Variants in POT1 observed in about 807,000 individuals in gnomAD.
POT1 encodes protection of telomeres 1.
POT1 carries 47 observed loss-of-function variants against 78.5 expected under a neutral mutation model. The ratio of observed to expected loss-of-function variants is 0.60; its 90% CI spans 0.47 to 0.76. The LOEUF (loss-of-function observed/expected upper bound fraction) is 0.76. POT1 is among the 30% of genes least tolerant of loss of function. The pLI is 0.00. For synonymous variants in POT1, 259 were observed against 260.7 expected, an observed-to-expected ratio of 0.99 and a Z score of 0.06; for missense variants, 646 against 749.9, an observed-to-expected ratio of 0.86 and a Z score of 1.62.
intron 5 of POT1, among the ~76,000 whole-genome samples, chr7:124,893,191 C>A (rs1796413117): frequency 6.6e-6 from 1 of 151,254 alleles, no homozygotes; most frequent in South Asian, 2.1e-4. Context: ...CTAAAAAATG[C>A]AATTTAAGAG....
At chr7:124,828,926 A>G (rs769472373) in intron 16 of POT1, 1 of 582,894 alleles carries the variant, frequency 1.7e-6, no homozygotes, top group Non-Finnish European at 3.3e-6. Flanking sequence ...TCTATTCTGA[A>G]TTGGCCAAAC....
intron 14 of POT1, among the ~76,000 whole-genome samples, chr7:124,838,313 G>C (rs1164439781): frequency 2.0e-5 from 3 of 151,974 alleles, no homozygotes; most frequent in Admixed American, 2.0e-4. Context: ...AGCAACGGTA[G>C]AGGATACAAG....
intron 6 of POT1, among the ~76,000 whole-genome samples, chr7:124,891,191 C>T (rs566562726): frequency 6.6e-5 from 10 of 151,744 alleles, no homozygotes; most frequent in African/African-American, 2.2e-4. Context: ...ATGGATTAAG[C>T]GCTCTGATGT....
chr7:124,825,402 T>A, intron 17 of POT1, 45 bp from the exon 18 acceptor site: 4 of 1,187,622 alleles, frequency 3.4e-6, no homozygotes, highest in East Asian at 2.5e-5. Flanking sequence ...ATAATATTAA[T>A]CCTTTTTAAT....
At chr7:124,858,003 G>A (rs1220850163) in intron 9 of POT1, among the ~76,000 whole-genome samples, 3 of 152,096 alleles carry the variant, frequency 2.0e-5, no homozygotes, top group East Asian at 1.9e-4. Flanking sequence ...CTTTGCCCTG[G>A]CTCCTGCACC....
chr7:124,878,360 C>G (rs1440094772), intron 6 of POT1, among the ~76,000 whole-genome samples: 1 of 151,946 alleles, frequency 6.6e-6, no homozygotes, highest in Non-Finnish European at 1.5e-5. Flanking sequence ...GGAAGAAGCT[C>G]ACCAAAGGAT....
In POT1 at chr7:124,846,162, G is replaced by GACACACAC. The variant is rs60301966; in HGVS notation, c.1006+772_1006+779dup. Among the ~76,000 whole-genome samples, 1,194 of 148,622 alleles carry GACACACAC rather than the reference G, an allele frequency of 8.0e-3. 12 individuals are homozygous for GACACACAC. The highest frequency in any genetic ancestry group is 0.018 in the Admixed American group (266 of 14,932). The stretch of plus-strand genomic sequence containing the variant: ...GTACATATGAACACACATTCATACT[G>GACACACAC]ACACACACACACACACACACACCCC... On this transcript the variant is annotated intron_variant, in intron 12 of 18. Coordinates refer to ENST00000357628, the MANE Select transcript of POT1 (RefSeq NM_015450.3).
intron 3 of POT1, chr7:124,900,879 C>T (rs775024788): frequency 5.6e-6 from 2 of 355,276 alleles, no homozygotes; most frequent in African/African-American, 2.1e-5. Context: ...AGGTCCCATG[C>T]CCACAGAGTT....
At chr7:124,910,610 A>C (rs1302119132) in intron 3 of POT1, among the ~76,000 whole-genome samples, 1 of 152,022 alleles carries the variant, frequency 6.6e-6, no homozygotes, top group African/African-American at 2.4e-5. Context: ...TTTACTATCT[A>C]ATGGCTCTTT....
chr7:124,839,462 A>G (rs1794974380), intron 14 of POT1, among the ~76,000 whole-genome samples: 2 of 152,244 alleles, frequency 1.3e-5, no homozygotes, highest in Non-Finnish European at 2.9e-5. Flanking sequence ...AGGTCCTTAA[A>G]GTCTAAGAAT....
intron 6 of POT1, among the ~76,000 whole-genome samples, chr7:124,891,316 G>A (rs12706626): frequency 0.28 from 42,882 of 151,478 alleles, 7,624 homozygotes; most frequent in Non-Finnish European, 0.39. Context: ...TTTGTCTGAT[G>A]TAAGTATGGC....
chr7:124,871,006 T>C lies in POT1; in HGVS notation c.160A>G (p.Asn54Asp), dbSNP rs1398488689. ...CSVVTIVDQTNVKLTCLLFSG... is the reference protein window; with the variant it reads ...CSVVTIVDQTDVKLTCLLFSG... The stretch of plus-strand genomic sequence containing the variant: ...AAGAGCAGGCAAGTTAGTTTTACAT[T>C]TGTCTGGTCCACAATAGTTACAACT... Residue 54 changes from asparagine (N) to aspartate (D), a missense_variant, in exon 7 of 19, where the codon AAT becomes GAT. Around this residue, in one of 2 missense-constraint regions of POT1, gnomAD observed 252 missense variants for 341.4 expected, o/e 0.74. Coordinates refer to ENST00000357628, the MANE Select transcript of POT1 (RefSeq NM_015450.3). 1.2e-6 allele frequency: 2 copies of C among 1,609,848 alleles called. No individual in the cohort carries two copies. Among genetic ancestry groups the C allele is most frequent in the East Asian group, 4.5e-5 (2 of 44,610 alleles).
intron 18 of POT1, 39 bp downstream of exon 18, chr7:124,825,213 G>T: frequency 7.3e-7 from 1 of 1,372,160 alleles, no homozygotes; most frequent in Non-Finnish European, 1.0e-6. Context: ...GCTATCTCAA[G>T]TAAAAGAAGT....
rs986883938 is a variant in POT1, at chr7:124,823,247, G to C, written c.*715C>G. 6.6e-6 allele frequency: 1 copy of C among 151,982 alleles called. No homozygotes were observed. The highest frequency in any genetic ancestry group is 1.5e-5 in the Non-Finnish European group (1 of 67,934). 9.4% of individuals were successfully genotyped at this position (151,982 alleles called of 1,614,324 possible). A position where few individuals can be genotyped will look rare whatever the true frequency, so the allele number is the denominator to read the frequency against. ...TCAGCTCAACTTAGGGCAAATAAATGAAACAGTTGAAATGTGTGCACTTAT... is the reference window on the plus strand; with the variant it reads ...TCAGCTCAACTTAGGGCAAATAAATCAAACAGTTGAAATGTGTGCACTTAT... On this transcript the variant is annotated 3_prime_UTR_variant, in exon 19 of 19. Coordinates refer to ENST00000357628, the MANE Select transcript of POT1 (RefSeq NM_015450.3).
chr7:124,829,671 A>T (rs1794713245), intron 15 of POT1, among the ~76,000 whole-genome samples: 1 of 151,794 alleles, frequency 6.6e-6, no homozygotes, highest in African/African-American at 2.4e-5. Flanking sequence ...GAAGAAAATG[A>T]TCATCTCTAA....
Position 124,823,096 on chromosome 7 carries a change from G to A in POT1, c.*866C>T, listed in dbSNP as rs1014009914. ...TCAATCAAGCCTCAGATTTCTTATC[G>A]GAAAAATAGGTTGCTGTGAGGATCA... On this transcript the variant is annotated 3_prime_UTR_variant, in exon 19 of 19. Transcript: ENST00000357628. The A allele has an allele frequency of 1.3e-5, 2 of 153,144 alleles. No homozygotes were observed. Among genetic ancestry groups the A allele is most frequent in the Non-Finnish European group, 2.9e-5 (2 of 68,690 alleles). The allele number at this position is 153,144 out of a possible 1,614,324, so 9.5% of individuals were successfully genotyped here. A position where few individuals can be genotyped will look rare whatever the true frequency, so the allele number is the denominator to read the frequency against.
At chr7:124,833,290 T>G (rs1320345595) in intron 15 of POT1, among the ~76,000 whole-genome samples, 1 of 152,174 alleles carries the variant, frequency 6.6e-6, no homozygotes. Flanking sequence ...AACAGTGACT[T>G]TACCACACAA....
intron 11 of POT1, 74 bp from the exon 12 acceptor site, chr7:124,847,072 C>A: frequency 1.1e-6 from 1 of 931,626 alleles, no homozygotes; most frequent in Non-Finnish European, 1.7e-6. Flanking sequence ...TGGAGCGTTG[C>A]TGAGAGAAAC....
intron 14 of POT1, among the ~76,000 whole-genome samples, chr7:124,838,931 G>T (rs745928458): frequency 6.6e-6 from 1 of 152,098 alleles, no homozygotes. Context: ...ATCCCAGCAA[G>T]TTATTTTTGG....
Sources: allele counts gnomAD v4.1 joint callset (sites outside exome capture counted in the v4.1 genomes callset), GRCh38; gene constraint gnomAD v4.1.1; regional missense constraint gnomAD v4.1.1; transcripts MANE v1.5; gene names NCBI Gene and HGNC (gene_info 2026-07-23, HGNC 2026-07-21).